Variants in UGDH observed in about 807,000 individuals in gnomAD.
The protein encoded by UGDH is UDP-Glc dehydrogenase.
Under a neutral mutation model 50.6 loss-of-function variants are expected in UGDH, and 38 were observed. The ratio of observed to expected loss-of-function variants is 0.75; its 90% confidence interval spans 0.58 to 0.98. The LOEUF (loss-of-function observed/expected upper bound fraction) is 0.98. UGDH is among the 50% of genes least tolerant of loss of function. UGDH has a pLI of 0.00. For synonymous variants in UGDH, 168 were observed against 199.9 expected (o/e 0.84, Z 1.35); for missense variants, 465 against 606.2 (o/e 0.77, Z 2.45).
chr4:39,526,277 G>A (rs927069822), intron 1 of UGDH: 1 of 152,228 alleles, frequency 6.6e-6, no homozygotes, highest in African/African-American at 2.4e-5. Flanking sequence ...AAGTAAACAA[G>A]AAGGAAGATG....
At chr4:39,503,032 T>C (rs1168865523) in intron 11 of UGDH, among the ~76,000 whole-genome samples, 1 of 152,220 alleles carries the variant, frequency 6.6e-6, no homozygotes, top group Non-Finnish European at 1.5e-5. Context: ...TTCTCCTGCC[T>C]CAGCCTCCAA....
Position 39,504,435 on chromosome 4 carries a change from A to G in UGDH, c.1245T>C (p.Thr415=), listed in dbSNP as rs377148476. 2.5e-6 allele frequency: 4 copies of G among 1,614,034 alleles called. No individual in the cohort carries two copies. The African/African-American group carries it at 4.0e-5, about 16-fold the overall frequency. Residue 415 remains threonine, a synonymous_variant, in exon 10 of 12, where the codon ACT becomes ACC. Coordinates refer to ENST00000316423, the MANE Select transcript of UGDH (RefSeq NM_003359.4). ...CDGAHAVVIC[T]EWDMFKELDY... is the part of the protein sequence containing the mutation. ...ACCTTACCTTAAACATGTCCCACTC[A>G]GTGCAAATAACAACAGCATGGGCAC...
intron 7 of UGDH, 47 bp downstream of exon 7, chr4:39,508,518 AC>A: frequency 1.3e-6 from 2 of 1,568,540 alleles, no homozygotes; most frequent in Non-Finnish European, 8.7e-7. Context: ...ACAGGTGTGA[AC>A]CACTATGCCT....
At chr4:39,526,123 A>G (rs1746879062) in intron 1 of UGDH, among the ~76,000 whole-genome samples, 1 of 152,242 alleles carries the variant, frequency 6.6e-6, no homozygotes, top group Non-Finnish European at 1.5e-5. Context: ...AACGATGGGC[A>G]TTATAGTTGG....
At chr4:39,503,194 C>T (rs1267668341) in intron 11 of UGDH, among the ~76,000 whole-genome samples, 6 of 152,038 alleles carry the variant, frequency 3.9e-5, no homozygotes, top group Admixed American at 2.6e-4. Context: ...GGATTATAGG[C>T]GTGAGCCACC....
At chr4:39,524,189 T>A (rs1746785066) in intron 1 of UGDH, among the ~76,000 whole-genome samples, 1 of 152,182 alleles carries the variant, frequency 6.6e-6, no homozygotes, top group African/African-American at 2.4e-5. Flanking sequence ...AGGGCAGCCT[T>A]TACTCTTAAT....
At chr4:39,501,429 A>G (rs1292308168) in intron 11 of UGDH, among the ~76,000 whole-genome samples, 6 of 151,422 alleles carry the variant, frequency 4.0e-5, no homozygotes, top group African/African-American at 4.9e-5. Context: ...GCCTGCCACC[A>G]CGCCCGGCAA....
intron 2 of UGDH, among the ~76,000 whole-genome samples, chr4:39,521,150 A>G (rs1746644166): frequency 6.6e-6 from 1 of 151,840 alleles, no homozygotes; most frequent in South Asian, 2.1e-4. Context: ...CCATTCTGAT[A>G]GACTTCTTTC....
In UGDH at chr4:39,510,872, T is replaced by C. The variant is rs772716976; in HGVS notation, c.265-11A>G. The C allele has an allele frequency of 9.3e-6, 15 of 1,613,864 alleles. No individual in the cohort carries two copies. Among genetic ancestry groups the C allele is most frequent in the Non-Finnish European group, 1.7e-6 (2 of 1,179,916 alleles). ...TGTTGGAGTATTCACCTGATGTAAG[T>C]ATATGGGATAAAGAACAGAGTGCCT... is the stretch of plus-strand genomic sequence containing the variant. On this transcript the variant is annotated splice_polypyrimidine_tract_variant and intron_variant, in intron 3 of 11. Coordinates refer to ENST00000316423, the MANE Select transcript of UGDH (RefSeq NM_003359.4).
intron 1 of UGDH, among the ~76,000 whole-genome samples, chr4:39,524,580 G>A (rs890930616): frequency 6.6e-6 from 1 of 150,980 alleles, no homozygotes; most frequent in Non-Finnish European, 1.5e-5. Flanking sequence ...TGGGCTCACC[G>A]CAGCCTCCGC....
At chr4:39,513,950 C>T (rs1746345685) in intron 3 of UGDH, 133 bp downstream of exon 3, 1 of 691,404 alleles carries the variant, frequency 1.4e-6, no homozygotes, top group Non-Finnish European at 2.4e-6. Flanking sequence ...AAAGTGACAA[C>T]CAAAATTCAC....
chr4:39,525,405 G>A (rs6810844), intron 1 of UGDH, among the ~76,000 whole-genome samples: 32,010 of 151,926 alleles, frequency 0.21, 5,159 homozygotes, highest in African/African-American at 0.43. Context: ...TATTGGTCAG[G>A]CTGGTCTCGA....
In UGDH at chr4:39,507,111, C is replaced by T. The variant is rs138729988; in HGVS notation, c.907-1363G>A. 1.5e-4 allele frequency among the ~76,000 whole-genome samples: 23 copies of T among 152,150 alleles called. No homozygotes were observed. In the East Asian group the frequency reaches 4.1e-3, roughly 27 times the overall value. ...AAATATTTGGGAAAGGCACATATAC[C>T]GACTAGTAATTGGGGCAAATTACTT... is the stretch of plus-strand genomic sequence containing the variant. On this transcript the variant is annotated intron_variant, in intron 7 of 11. Transcript: ENST00000316423.
chr4:39,504,461 C>T lies in UGDH; in HGVS notation c.1219G>A (p.Gly407Ser), dbSNP rs1560686114. ...GTGCAAATAACAACAGCATGGGCAC[C>T]ATCACATGCTTCATATGGATCCTTG... ...ISKDPYEACD[G>S]AHAVVICTEW... The change falls in exon 10 of 12, where the codon GGT (glycine) becomes AGT (serine). Residue 407 changes from glycine (G) to serine (S), a missense_variant. Transcript: ENST00000316423. 1 of 1,613,962 alleles carries T rather than the reference C, an allele frequency of 6.2e-7. No individual in the cohort carries two copies. The highest frequency in any genetic ancestry group is 1.7e-5 in the Admixed American group (1 of 59,992).
chr4:39,505,539 ACACC>A, intron 8 of UGDH, 75 bp downstream of exon 8: 1 of 1,318,404 alleles, frequency 7.6e-7, no homozygotes. Context: ...TATTTTATGT[ACACC>A]TACCCCAATC....
In UGDH at chr4:39,510,847, T is replaced by C; in HGVS notation, c.279A>G (p.Thr93=). ...DLVFISVNTP[T]KTYGMGKGRA... ...GGCCTTTCCCCATTCCATAGGTTTT[T>C]GTTGGAGTATTCACCTGATGTAAGT... The change falls in exon 4 of 12, where the codon ACA becomes ACG. Residue 93 remains threonine (T), a synonymous_variant. Transcript: ENST00000316423. 1 of 1,614,192 alleles carries C rather than the reference T, an allele frequency of 6.2e-7. No homozygotes were observed.
chr4:39,514,022 G>A (rs1746349177), intron 3 of UGDH, 61 bp downstream of exon 3: 1 of 1,336,476 alleles, frequency 7.5e-7, no homozygotes, highest in Non-Finnish European at 1.0e-6. Flanking sequence ...ATTAAAGTAT[G>A]ATGAAACTTT....
intron 3 of UGDH, among the ~76,000 whole-genome samples, chr4:39,511,264 T>TC: frequency 7.2e-6 from 1 of 138,190 alleles, no homozygotes; most frequent in South Asian, 2.2e-4. Flanking sequence ...AGTTTTAAAG[T>TC]CTTTTTTTTT....
rs368107722 is a variant in UGDH, at chr4:39,504,023, C to A, written c.1264-38G>T. ...ACCACAGGAACAATTAAAACACATA[C>A]GTGGGCCGGGCGGAGTGGCTCATGC... On this transcript the variant is annotated intron_variant, in intron 10 of 11. Coordinates refer to ENST00000316423, the MANE Select transcript of UGDH (RefSeq NM_003359.4). 7.0e-6 allele frequency: 11 copies of A among 1,575,908 alleles called. No homozygotes were observed. In the Admixed American group the frequency reaches 8.6e-5, roughly 12 times the overall value.
Sources: allele counts gnomAD v4.1 joint callset (sites outside exome capture counted in the v4.1 genomes callset), GRCh38; gene constraint gnomAD v4.1.1; transcripts MANE v1.5; gene names NCBI Gene and HGNC (gene_info 2026-07-23, HGNC 2026-07-21).